Variants in PCDHGA11 observed in about 807,000 individuals in gnomAD.
PCDHGA11 encodes protocadherin gamma-A11.
Under a neutral mutation model 60.4 loss-of-function variants are expected in PCDHGA11, and 39 were observed. The observed-to-expected ratio is 0.65, with a 90% confidence interval of 0.50 to 0.84. PCDHGA11 has a LOEUF of 0.84. Among genes scored for constraint, PCDHGA11 ranks in the 40% least tolerant of loss-of-function variants. The pLI, the probability that PCDHGA11 is intolerant of heterozygous loss-of-function variation, is 0.00. For synonymous variants in PCDHGA11, 533 were observed against 510.3 expected, an observed-to-expected ratio of 1.04 and a Z score of -0.60; for missense variants, 1,165 against 1,197.7, an observed-to-expected ratio of 0.97 and a Z score of 0.40.
At position 141,432,476 on chromosome 5, in the gene PCDHGA11, A is replaced by T. The variant is rs778378071; in HGVS notation, c.2433+8816A>T. On this transcript the variant is annotated intron_variant, in intron 1 of 3. Transcript: ENST00000398587. This position sits in a 1 kb window ranked among gnomAD's most constrained non-coding sequence, Gnocchi z 6.0. ...CCCCGCCCTCCCCACGGACGGTTCC[A>T]CTGGCGTGGAGCTGGCTCCCCGCTC... 4.6e-5 allele frequency: 75 copies of T among 1,613,962 alleles called. No homozygotes were observed. In the South Asian group the frequency reaches 7.9e-4, roughly 17 times the overall value.
intron 2 of PCDHGA11, among the ~76,000 whole-genome samples, chr5:141,497,879 G>A (rs62379207): frequency 4.6e-4 from 70 of 152,244 alleles, no homozygotes; most frequent in Non-Finnish European, 8.2e-4. Flanking sequence ...TGAAATAAGC[G>A]TTAGGATCTA....
Position 141,431,854 on chromosome 5 carries a change from A to G in PCDHGA11, c.2433+8194A>G. On this transcript the variant is annotated intron_variant, in intron 1 of 3. Coordinates refer to ENST00000398587, the MANE Select transcript of PCDHGA11 (RefSeq NM_018914.3). The surrounding 1 kb of genome is among the most constrained non-coding windows in gnomAD (Gnocchi z 4.8). Reference sequence around the variant, plus strand: ...CCGAAAACTCTCCCAGAGGGACATTAATTGCCCTTTTAAATGTAAATGACC... The same window carrying G: ...CCGAAAACTCTCCCAGAGGGACATTGATTGCCCTTTTAAATGTAAATGACC... The G allele has an allele frequency of 6.2e-7, 1 of 1,614,230 alleles. No individual in the cohort carries two copies. The highest frequency in any genetic ancestry group is 1.3e-5 in the African/African-American group (1 of 75,070).
At chr5:141,473,010 AAAAG>A (rs1014377988) in intron 1 of PCDHGA11, among the ~76,000 whole-genome samples, 22 of 151,958 alleles carry the variant, frequency 1.4e-4, no homozygotes, top group Admixed American at 7.9e-4. Context: ...AAGAAAAAGA[AAAAG>A]AAAGAAGGAA....
intron 1 of PCDHGA11, among the ~76,000 whole-genome samples, chr5:141,457,620 A>G (rs2098925834): frequency 6.6e-6 from 1 of 152,234 alleles, no homozygotes; most frequent in Admixed American, 6.5e-5. Flanking sequence ...ATGAACTTTA[A>G]TCTTATACTT....
At position 141,476,792 on chromosome 5, in the gene PCDHGA11, G is replaced by T. The variant is rs376910320; in HGVS notation, c.2434-18015G>T. ...GGACGGAGGGACCCCAGCTCTCTCC[G>T]CCAGCCTGCCTATTCACATCAAGGT... On this transcript the variant is annotated intron_variant, in intron 1 of 3. Coordinates refer to ENST00000398587, the MANE Select transcript of PCDHGA11 (RefSeq NM_018914.3). The surrounding 1 kb of genome is among the most constrained non-coding windows in gnomAD (Gnocchi z 7.6). 4.3e-6 allele frequency: 7 copies of T among 1,612,720 alleles called. No individual in the cohort carries two copies. Among genetic ancestry groups the T allele is most frequent in the Non-Finnish European group, 5.1e-6 (6 of 1,179,958 alleles).
At chr5:141,507,809 C>G (rs866898784) in intron 3 of PCDHGA11, among the ~76,000 whole-genome samples, 1 of 152,206 alleles carries the variant, frequency 6.6e-6, no homozygotes, top group Non-Finnish European at 1.5e-5. Context: ...CCCTGGGGAA[C>G]GGACCCTGGG....
chr5:141,485,070 G>A lies in PCDHGA11; in HGVS notation c.2434-9737G>A. On this transcript the variant is annotated intron_variant, in intron 1 of 3. Coordinates refer to ENST00000398587, the MANE Select transcript of PCDHGA11 (RefSeq NM_018914.3). The surrounding 1 kb of genome is among the most constrained non-coding windows in gnomAD (Gnocchi z 5.7). ...CGCCGGCCGAACCGCGCCAGAGCTG[G>A]CGCGGGGAAAGGGAGATAGGTGTCT... is the stretch of plus-strand genomic sequence containing the variant. The A allele has an allele frequency of 1.1e-6, 1 of 908,406 alleles. No individual in the cohort carries two copies. Among genetic ancestry groups the A allele is most frequent in the Non-Finnish European group, 1.7e-6 (1 of 580,008 alleles). 56.3% of individuals were successfully genotyped at this position (908,406 alleles called of 1,614,324 possible). A position where few individuals can be genotyped will look rare whatever the true frequency, so the allele number is the denominator to read the frequency against.
At position 141,431,612 on chromosome 5, in the gene PCDHGA11, G is replaced by A. The variant is rs79883194; in HGVS notation, c.2433+7952G>A. 1.9e-6 allele frequency: 3 copies of A among 1,614,126 alleles called. No homozygotes were observed. The highest frequency in any genetic ancestry group is 2.5e-6 in the Non-Finnish European group (3 of 1,180,052). ...AGTGAGGTATTCCTTCCGGTATGTG[G>A]ACGACAAGGCGGCCCAAGTTTTCAA... On this transcript the variant is annotated intron_variant, in intron 1 of 3. Coordinates refer to ENST00000398587, the MANE Select transcript of PCDHGA11 (RefSeq NM_018914.3). This position sits in a 1 kb window ranked among gnomAD's most constrained non-coding sequence, Gnocchi z 4.8.
intron 1 of PCDHGA11, chr5:141,428,335 T>G (rs535486665): frequency 3.3e-6 from 2 of 615,106 alleles, no homozygotes; most frequent in East Asian, 5.9e-5. Context: ...TTCTATGCTC[T>G]TCTTCCTCGC....
rs553126235 is a variant in PCDHGA11 at position 141,473,346 on chromosome 5, G to A, written c.2434-21461G>A. Reference sequence around the variant, plus strand: ...AAGTGCCTGCTGTGCTAGACAGTGAGGATGCAAGTGGCCACCAAAATAGCA... The same window carrying A: ...AAGTGCCTGCTGTGCTAGACAGTGAAGATGCAAGTGGCCACCAAAATAGCA... On this transcript the variant is annotated intron_variant, in intron 1 of 3. Transcript: ENST00000398587. Among the ~76,000 whole-genome samples, 9 of 152,310 alleles carry A rather than the reference G, an allele frequency of 5.9e-5. No individual in the cohort carries two copies. The East Asian group carries it at 1.5e-3, about 26-fold the overall frequency.
At chr5:141,470,252 C>T (rs1010559144) in intron 1 of PCDHGA11, among the ~76,000 whole-genome samples, 3 of 152,160 alleles carry the variant, frequency 2.0e-5, no homozygotes, top group Admixed American at 1.3e-4. Context: ...TCCCACCTGT[C>T]TAAATGGAGA....
At chr5:141,434,427 G>A (rs2097693282) in intron 1 of PCDHGA11, among the ~76,000 whole-genome samples, 1 of 152,216 alleles carries the variant, frequency 6.6e-6, no homozygotes, top group African/African-American at 2.4e-5. Context: ...GTTCATGATG[G>A]CCGTAATGCC....
At chr5:141,424,215 G>T in intron 1 of PCDHGA11, 1 of 167,104 alleles carries the variant, frequency 6.0e-6, no homozygotes. Flanking sequence ...TTTTCTCTGA[G>T]CAATTTTATT....
intron 1 of PCDHGA11, among the ~76,000 whole-genome samples, chr5:141,453,225 C>T (rs2098758997): frequency 6.6e-6 from 1 of 152,044 alleles, no homozygotes; most frequent in African/African-American, 2.4e-5. Context: ...GCGATCCTCC[C>T]ACCTCAGCCT....
At chr5:141,458,617 T>A (rs1392739721) in intron 1 of PCDHGA11, among the ~76,000 whole-genome samples, 6 of 152,170 alleles carry the variant, frequency 3.9e-5, no homozygotes, top group Non-Finnish European at 8.8e-5. Flanking sequence ...TCAGCCAGGC[T>A]GGAGTGCAGT....
At position 141,511,235 on chromosome 5, in the gene PCDHGA11, C is replaced by G; in HGVS notation, c.*62C>G. On this transcript the variant is annotated 3_prime_UTR_variant, in exon 4 of 4. Transcript: ENST00000398587. ...CCCCAACCAGCCCAGCTTCTCCTTA[C>G]CTGCACCCAGGCCTCAGAGTTTCAG... 2 of 1,592,936 alleles carry G rather than the reference C, an allele frequency of 1.3e-6. No homozygotes were observed. The highest frequency in any genetic ancestry group is 1.7e-6 in the Non-Finnish European group (2 of 1,169,652).
intron 1 of PCDHGA11, among the ~76,000 whole-genome samples, chr5:141,454,261 A>T (rs183133499): frequency 1.3e-5 from 2 of 152,364 alleles, no homozygotes; most frequent in South Asian, 2.1e-4. Flanking sequence ...CAGAGAAAGT[A>T]ATGCCAGCAA....
At chr5:141,483,955 G>A (rs1244162791) in intron 1 of PCDHGA11, among the ~76,000 whole-genome samples, 1 of 144,218 alleles carries the variant, frequency 6.9e-6, no homozygotes, top group African/African-American at 2.6e-5. Flanking sequence ...ATTGTGTTGT[G>A]TTTCTGTGCT....
At chr5:141,437,660 G>A (rs1021986333) in intron 1 of PCDHGA11, among the ~76,000 whole-genome samples, 6 of 151,866 alleles carry the variant, frequency 4.0e-5, no homozygotes, top group Non-Finnish European at 5.9e-5. Flanking sequence ...ACATAGTTTC[G>A]AAGAGATGTT....
Sources: allele counts gnomAD v4.1 joint callset (sites outside exome capture counted in the v4.1 genomes callset), GRCh38; gene constraint gnomAD v4.1.1; non-coding constraint Gnocchi (gnomAD v3.1); transcripts MANE v1.5; gene names NCBI Gene and HGNC (gene_info 2026-07-23, HGNC 2026-07-21).